TNFSF4: variants seen among roughly 807,000 people sequenced by gnomAD.
The protein encoded by TNFSF4 is tumor necrosis factor ligand superfamily member 4.
TNFSF4 carries 4 observed loss-of-function variants against 7.3 expected under a neutral mutation model. The observed-to-expected ratio is 0.55, with a 90% confidence interval of 0.27 to 1.25. The LOEUF (loss-of-function observed/expected upper bound fraction) is 1.25. Ranked by LOEUF, TNFSF4 falls within the 50% of genes most tolerant of loss-of-function variation. The pLI is 0.12. For synonymous variants in TNFSF4, 76 were observed against 83.7 expected (o/e 0.91, Z 0.50); for missense variants, 181 against 208.8 (o/e 0.87, Z 0.82).
chr1:173,199,847 T>TA (rs55762121), intron 1 of TNFSF4, among the ~76,000 whole-genome samples: 22,657 of 151,882 alleles, frequency 0.15, 2,128 homozygotes, highest in Middle Eastern at 0.26. Context: ...CATTATCATT[T>TA]AAAAAAAATG....
At chr1:173,431,455 G>C in the TNFSF4 span, among the ~76,000 whole-genome samples, 8 of 152,216 alleles carry the variant, frequency 5.3e-5, no homozygotes, top group Admixed American at 1.3e-4. Flanking sequence ...CTTGGGCCCT[G>C]CTGGGGGCCC....
At chr1:173,265,880 T>C in the TNFSF4 span, among the ~76,000 whole-genome samples, 1 of 152,196 alleles carries the variant, frequency 6.6e-6, no homozygotes, top group Non-Finnish European at 1.5e-5. Context: ...TCCGATATTG[T>C]ATCCTCCCTA....
chr1:173,176,930 G>A, the TNFSF4 span, among the ~76,000 whole-genome samples: 1 of 152,112 alleles, frequency 6.6e-6, no homozygotes, highest in African/African-American at 2.4e-5. Context: ...ACAAAAACAT[G>A]TGGACACAGA....
chr1:173,379,394 CA>C, the TNFSF4 span, among the ~76,000 whole-genome samples: 95 of 152,262 alleles, frequency 6.2e-4, no homozygotes, highest in Non-Finnish European at 3.2e-4. Flanking sequence ...TCAAGCAGAT[CA>C]TTGAATTATT....
chr1:173,245,234 G>A, the TNFSF4 span, among the ~76,000 whole-genome samples: 1 of 152,062 alleles, frequency 6.6e-6, no homozygotes, highest in Non-Finnish European at 1.5e-5. Context: ...ACTGGACTAG[G>A]TGATCAATAA....
chr1:173,388,594 G>A, the TNFSF4 span, among the ~76,000 whole-genome samples: 13 of 152,226 alleles, frequency 8.5e-5, no homozygotes, highest in African/African-American at 2.4e-4. Flanking sequence ...ATATCACAAC[G>A]GACTGGATGC....
the TNFSF4 span, among the ~76,000 whole-genome samples, chr1:173,263,944 T>C: frequency 6.6e-6 from 1 of 152,098 alleles, no homozygotes; most frequent in Non-Finnish European, 1.5e-5. Context: ...ATAAAATTCT[T>C]TCAAAAGGGA....
the TNFSF4 span, among the ~76,000 whole-genome samples, chr1:173,354,302 A>C: frequency 6.6e-6 from 1 of 152,196 alleles, no homozygotes; most frequent in African/African-American, 2.4e-5. Flanking sequence ...AAGACATTGA[A>C]TCTCTGAACA....
chr1:173,193,432 G>GA (rs1557881118), intron 1 of TNFSF4, among the ~76,000 whole-genome samples: 2 of 151,914 alleles, frequency 1.3e-5, no homozygotes, highest in Non-Finnish European at 2.9e-5. Context: ...TTAGAAGCAT[G>GA]AAAAAAATGC....
At chr1:173,223,418 A>T in the TNFSF4 span, among the ~76,000 whole-genome samples, 1 of 152,148 alleles carries the variant, frequency 6.6e-6, no homozygotes, top group African/African-American at 2.4e-5. Context: ...ACTCTAGAAA[A>T]GAATATTTAT....
the TNFSF4 span, among the ~76,000 whole-genome samples, chr1:173,241,855 G>C: frequency 6.6e-6 from 1 of 152,174 alleles, no homozygotes; most frequent in Non-Finnish European, 1.5e-5. Flanking sequence ...GGTGGAAGAC[G>C]AGGTAGGGTG....
chr1:173,376,606 C>T, the TNFSF4 span, among the ~76,000 whole-genome samples: 1 of 152,306 alleles, frequency 6.6e-6, no homozygotes, highest in African/African-American at 2.4e-5. Flanking sequence ...AATCAGTGTT[C>T]TATGTCTAAC....
chr1:173,417,925 T>C, the TNFSF4 span: 2 of 60,420 alleles, frequency 3.3e-5, no homozygotes, highest in African/African-American at 1.0e-4. Flanking sequence ...AGGGAAGCAC[T>C]TTTTTTTTCT....
At chr1:173,334,667 G>A in the TNFSF4 span, among the ~76,000 whole-genome samples, 1 of 152,194 alleles carries the variant, frequency 6.6e-6, no homozygotes, top group Non-Finnish European at 1.5e-5. Flanking sequence ...AGACCCTGAT[G>A]AAGCTGGGGA....
At chr1:173,188,246 C>T (rs950886861) in intron 2 of TNFSF4, among the ~76,000 whole-genome samples, 1 of 152,194 alleles carries the variant, frequency 6.6e-6, no homozygotes, top group African/African-American at 2.4e-5. Flanking sequence ...GAAATAATTT[C>T]TACCCAGAAG....
the TNFSF4 span, among the ~76,000 whole-genome samples, chr1:173,444,048 A>C: frequency 1.3e-5 from 2 of 152,230 alleles, no homozygotes; most frequent in African/African-American, 2.4e-5. Context: ...GGACAGGAAG[A>C]CACAAAACAC....
At chr1:173,244,498 C>T in the TNFSF4 span, among the ~76,000 whole-genome samples, 1 of 150,922 alleles carries the variant, frequency 6.6e-6, no homozygotes, top group African/African-American at 2.4e-5. Flanking sequence ...AAAAATTAGC[C>T]GGGCGTAGTG....
the TNFSF4 span, among the ~76,000 whole-genome samples, chr1:173,427,444 A>C: frequency 6.6e-6 from 1 of 151,698 alleles, no homozygotes; most frequent in Non-Finnish European, 1.5e-5. Context: ...ACAAAGAATT[A>C]GCTGGTACAA....
chr1:173,258,276 G>A, the TNFSF4 span, among the ~76,000 whole-genome samples: 1 of 151,918 alleles, frequency 6.6e-6, no homozygotes, highest in Non-Finnish European at 1.5e-5. Flanking sequence ...TTCAACGGAG[G>A]TATGCAGGTT....
Sources: gnomAD v4.1 joint callset for allele counts (sites outside exome capture counted in the v4.1 genomes callset) on GRCh38, gnomAD v4.1.1 for gene constraint, MANE v1.5 for transcripts, NCBI Gene and HGNC (gene_info 2026-07-23, HGNC 2026-07-21) for gene names.